Variants in MYBBP1A observed in about 807,000 individuals in gnomAD.
The protein encoded by MYBBP1A is MYB binding protein 1a, also known as myb-binding protein 1A.
Under a neutral mutation model 136.3 loss-of-function variants are expected in MYBBP1A, and 147 were observed. The observed-to-expected ratio is 1.08, with a 90% CI of 0.94 to 1.24. The LOEUF is 1.24. MYBBP1A is among the 50% of genes most tolerant of loss of function. MYBBP1A has a pLI of 0.00. For missense variants in MYBBP1A, 2,060 were observed against 1,727.4 expected (o/e 1.19, Z -3.41); for synonymous variants, 947 against 735.8 (o/e 1.29, Z -4.65).
intron 22 of MYBBP1A, chr17:4,542,137 C>T: frequency 1.7e-6 from 1 of 585,188 alleles, no homozygotes. Flanking sequence ...TGGCTTAGTG[C>T]CATCTTCCTC....
intron 22 of MYBBP1A, 74 bp downstream of exon 22, chr17:4,542,390 C>T: frequency 1.3e-6 from 2 of 1,496,046 alleles, no homozygotes; most frequent in Non-Finnish European, 9.1e-7. Context: ...TGGGGCCTCA[C>T]AATATCCAGT....
rs771031263 is a variant in MYBBP1A, at chr17:4,553,817, A to C, written c.554T>G (p.Leu185Arg). ...CAGCTGGGGAGCTCATACCTCGGAG[A>C]GGATGTCCACCAGGGCCTTCCGGGG... Reference protein sequence around the residue: ...EQPRKALVDILSEVSKATLQE... With the variant: ...EQPRKALVDIRSEVSKATLQE... The change falls in exon 5 of 26, where the codon CTC (leucine) becomes CGC (arginine). Residue 185 changes from leucine to arginine, a missense_variant. Physicochemically the swap from Leu to Arg is moderately radical, Grantham distance 102. Transcript: ENST00000254718. 6.2e-7 allele frequency: 1 copy of C among 1,613,846 alleles called. No homozygotes were observed. The highest frequency in any genetic ancestry group is 1.3e-5 in the African/African-American group (1 of 75,042).
At chr17:4,545,466 A>G in intron 15 of MYBBP1A, 121 bp from the exon 16 acceptor site, 1 of 1,504,196 alleles carries the variant, frequency 6.6e-7, no homozygotes, top group East Asian at 2.4e-5. Context: ...AGAGGCGGCC[A>G]GGCCAGGCCA....
Position 4,541,569 on chromosome 17 carries a change from G to C in MYBBP1A, c.3196-5C>G. On this transcript the variant is annotated splice_polypyrimidine_tract_variant and splice_region_variant and intron_variant, in intron 23 of 25. Transcript: ENST00000254718. ...CTCCCCCAGCACGCGCAAGTTCTAG[G>C]GAAGGGTGGCCAGGCTGAGGCACTC... 1.2e-6 allele frequency: 2 copies of C among 1,611,456 alleles called. No individual in the cohort carries two copies. Among genetic ancestry groups the C allele is most frequent in the East Asian group, 2.2e-5 (1 of 44,890 alleles).
In MYBBP1A at chr17:4,540,101, G is replaced by A. The variant is rs928406499; in HGVS notation, c.3435-134C>T. On this transcript the variant is annotated intron_variant, in intron 25 of 25. Coordinates refer to ENST00000254718, the MANE Select transcript of MYBBP1A (RefSeq NM_014520.4). Reference sequence around the variant, plus strand: ...TCTGTGAGGCCCCTATGAGGGTCCCGTGAGGGTCCTATGAGGGTCCTGCGA... The same window carrying A: ...TCTGTGAGGCCCCTATGAGGGTCCCATGAGGGTCCTATGAGGGTCCTGCGA... 8.9e-5 allele frequency: 108 copies of A among 1,219,154 alleles called. No homozygotes were observed. In the East Asian group the frequency reaches 1.4e-3, roughly 16 times the overall value. 75.5% of individuals were successfully genotyped at this position (1,219,154 alleles called of 1,614,324 possible). A position where few individuals can be genotyped will look rare whatever the true frequency, so the allele number is the denominator to read the frequency against.
intron 3 of MYBBP1A, 31 bp downstream of exon 3, chr17:4,554,164 G>C: frequency 6.2e-7 from 1 of 1,613,530 alleles, no homozygotes; most frequent in Non-Finnish European, 8.5e-7. Context: ...CCCACCCCTG[G>C]GGCTGCTGAC....
intron 24 of MYBBP1A, 50 bp downstream of exon 24, chr17:4,541,413 G>A: frequency 6.5e-7 from 1 of 1,530,632 alleles, no homozygotes; most frequent in Non-Finnish European, 9.0e-7. Context: ...GAGGCCCCAA[G>A]GCCCCCAAGA....
chr17:4,547,172 T>C (rs1206854455), intron 13 of MYBBP1A, among the ~76,000 whole-genome samples: 2 of 152,034 alleles, frequency 1.3e-5, no homozygotes, highest in East Asian at 3.9e-4. Flanking sequence ...TCTCCGGAAG[T>C]ACTGGGATTA....
In MYBBP1A at chr17:4,539,758, C is replaced by T. The variant is rs759508923; in HGVS notation, c.3644G>A (p.Arg1215Lys). 1.3e-5 allele frequency: 21 copies of T among 1,613,102 alleles called. No homozygotes were observed. The highest frequency in any genetic ancestry group is 3.3e-4 in the Middle Eastern group (2 of 6,084). The change falls in exon 26 of 26, where the codon AGG (arginine) becomes AAG (lysine). Residue 1215 changes from arginine (R) to lysine (K), a missense_variant. Physicochemically the swap from Arg to Lys is conservative, Grantham distance 26 (BLOSUM62 2). Transcript: ENST00000254718. The stretch of plus-strand genomic sequence containing the variant: ...CTGGGCTGGGACCTTAGCCTTTGTC[C>T]TGTTCCTCTTCTTCCTGCCCATGCT... ...PPSMGRKKRN[R>K]TKAKVPAQAN...
At chr17:4,553,760 G>A (rs751785529) in intron 5 of MYBBP1A, 50 bp downstream of exon 5, 1 of 1,422,516 alleles carries the variant, frequency 7.0e-7, no homozygotes, top group Non-Finnish European at 9.9e-7. Context: ...CCCCCTTGAT[G>A]TCTCTGTAAC....
chr17:4,549,950 T>C (rs1306993169), intron 9 of MYBBP1A, 108 bp downstream of exon 9: 3 of 1,265,854 alleles, frequency 2.4e-6, no homozygotes, highest in Non-Finnish European at 3.3e-6. Flanking sequence ...CTCGCTCCTC[T>C]CATGGTTTAG....
chr17:4,548,058 C>A lies in MYBBP1A; in HGVS notation c.1725-1G>T. On this transcript the variant is annotated splice_acceptor_variant, in intron 12 of 25. Coordinates refer to ENST00000254718, the MANE Select transcript of MYBBP1A (RefSeq NM_014520.4). LOFTEE classifies it high-confidence loss of function. The surrounding 1 kb of genome is among the most constrained non-coding windows in gnomAD (Gnocchi z 4.2). ...CAGCTCCTTCAGAGTCTGCAGCATC[C>A]TGCGGGGAGACAGGCGATTCCCAGG... 1 of 1,580,184 alleles carries A rather than the reference C, an allele frequency of 6.3e-7. No individual in the cohort carries two copies. Among genetic ancestry groups the A allele is most frequent in the Non-Finnish European group, 8.6e-7 (1 of 1,164,352 alleles).
intron 10 of MYBBP1A, 120 bp downstream of exon 10, chr17:4,549,212 C>A (rs897698037): frequency 1.4e-4 from 109 of 789,466 alleles, no homozygotes; most frequent in South Asian, 4.9e-4. Flanking sequence ...GTGCCTGCCC[C>A]CCACTGATGA....
intron 15 of MYBBP1A, 21 bp downstream of exon 15, chr17:4,545,589 C>A: frequency 6.4e-7 from 1 of 1,558,010 alleles, no homozygotes; most frequent in Non-Finnish European, 8.7e-7. Context: ...CCACATTCCA[C>A]TCCCAAAGGT....
rs756236496 is a variant in MYBBP1A, at chr17:4,540,009, C to T, written c.3435-42G>A. On this transcript the variant is annotated intron_variant, in intron 25 of 25. Coordinates refer to ENST00000254718, the MANE Select transcript of MYBBP1A (RefSeq NM_014520.4). Reference sequence around the variant, plus strand: ...AAGGTTAGAAGGTGCCCATCGAGGGCAGCAGCCACCGCCACCGCGACTGCT... The same window carrying T: ...AAGGTTAGAAGGTGCCCATCGAGGGTAGCAGCCACCGCCACCGCGACTGCT... 6 of 1,573,512 alleles carry T rather than the reference C, an allele frequency of 3.8e-6. No individual in the cohort carries two copies. In the South Asian group the frequency reaches 6.8e-5, roughly 18 times the overall value.
chr17:4,549,271 A>C, intron 10 of MYBBP1A, 61 bp downstream of exon 10: 8 of 1,456,200 alleles, frequency 5.5e-6, no homozygotes, highest in South Asian at 1.2e-5. Flanking sequence ...AGGACGAGTT[A>C]AGGGGCCCCA....
intron 13 of MYBBP1A, among the ~76,000 whole-genome samples, chr17:4,547,386 C>T (rs908239932): frequency 1.3e-5 from 2 of 152,150 alleles, no homozygotes; most frequent in African/African-American, 4.8e-5. Flanking sequence ...CCAACCTTTC[C>T]CCAAACAGCT....
chr17:4,543,012 G>A lies in MYBBP1A; in HGVS notation c.2793C>T (p.Leu931=), dbSNP rs1448612983. 1.9e-6 allele frequency: 3 copies of A among 1,613,836 alleles called. No individual in the cohort carries two copies. Among genetic ancestry groups the A allele is most frequent in the South Asian group, 1.1e-5 (1 of 91,094 alleles). Residue 931 remains leucine (L), a synonymous_variant, in exon 20 of 26, where the codon CTC becomes CTT. Coordinates refer to ENST00000254718, the MANE Select transcript of MYBBP1A (RefSeq NM_014520.4). The stretch of plus-strand genomic sequence containing the variant: ...CAGCAGTGTTGCCCTTCAAGACCCG[G>A]AGCAGGTAGAGAGAGGCGTTGAAGT... ...LYHFNASLYL[L]RVLKGNTAEG... is the part of the protein sequence containing the mutation.
Position 4,550,222 on chromosome 17 carries a change from G to A in MYBBP1A, c.1155C>T (p.Leu385=). Residue 385 remains leucine (L), a synonymous_variant, in exon 9 of 26, where the codon CTC becomes CTT. Coordinates refer to ENST00000254718, the MANE Select transcript of MYBBP1A (RefSeq NM_014520.4). ...CCCGCCAGAAAGTAGGCGTGACAGGGAGGCCTTGGTTGGTGACAGATGAGA... is the reference window on the plus strand; with the variant it reads ...CCCGCCAGAAAGTAGGCGTGACAGGAAGGCCTTGGTTGGTGACAGATGAGA... The part of the protein sequence containing the change: ...VAFSSVTNQG[L]PVTPTFWRVV... The A allele has an allele frequency of 1.2e-6, 2 of 1,613,860 alleles. No homozygotes were observed. The highest frequency in any genetic ancestry group is 1.7e-6 in the Non-Finnish European group (2 of 1,180,046).
Sources: allele counts gnomAD v4.1 joint callset (sites outside exome capture counted in the v4.1 genomes callset), GRCh38; gene constraint gnomAD v4.1.1; non-coding constraint Gnocchi (gnomAD v3.1); transcripts MANE v1.5; gene names NCBI Gene and HGNC (gene_info 2026-07-23, HGNC 2026-07-21).